The following ACCSL variants were observed in gnomAD, a reference collection of about 807,000 sequenced individuals.
ACCSL encodes the protein probable inactive 1-aminocyclopropane-1-carboxylate synthase-like protein 2.
A neutral mutation model predicts 61.7 loss-of-function variants in ACCSL; 55 were observed. The ratio of observed to expected loss-of-function variants is 0.89; its 90% CI spans 0.72 to 1.12. The LOEUF (loss-of-function observed/expected upper bound fraction) is 1.12, where lower values mean the gene tolerates loss of function less well. Ranked by LOEUF, ACCSL falls within the 50% of genes most tolerant of loss-of-function variation. The pLI is 0.00. For missense variants in ACCSL, 632 were observed against 698.0 expected, an observed-to-expected ratio of 0.91 and a Z score of 1.07; for synonymous variants, 258 against 264.3, an observed-to-expected ratio of 0.98 and a Z score of 0.23.
chr11:44,038,721 G>A, the ACCSL span, among the ~76,000 whole-genome samples: 1 of 152,156 alleles, frequency 6.6e-6, no homozygotes, highest in Non-Finnish European at 1.5e-5. Context: ...TGCAAATGAT[G>A]GCTACAGGGC....
chr11:44,047,849 A>C, upstream of ACCSL: 1 of 683,948 alleles, frequency 1.5e-6, no homozygotes, highest in East Asian at 2.8e-5. Flanking sequence ...AGAGTAGGTA[A>C]CTCTTCATGA....
In ACCSL at chr11:44,056,180, T is replaced by A; in HGVS notation, c.1186-5T>A. On this transcript the variant is annotated splice_polypyrimidine_tract_variant and splice_region_variant and intron_variant, in intron 10 of 13. Coordinates refer to ENST00000378832, the MANE Select transcript of ACCSL (RefSeq NM_001031854.2). Reference sequence around the variant, plus strand: ...TTGTTCCTGTTCCTGCTTTTCTTCCTCTAGGATTTTGGCATCTCTGGCTTC... The same window carrying A: ...TTGTTCCTGTTCCTGCTTTTCTTCCACTAGGATTTTGGCATCTCTGGCTTC... The A allele has an allele frequency of 6.2e-7, 1 of 1,614,176 alleles. No homozygotes were observed. Among genetic ancestry groups the A allele is most frequent in the Non-Finnish European group, 8.5e-7 (1 of 1,180,028 alleles).
chr11:43,971,569 A>G, the ACCSL span: 1 of 152,188 alleles, frequency 6.6e-6, no homozygotes, highest in African/African-American at 2.4e-5. Flanking sequence ...ACTGTGCCAT[A>G]TTGCTTCCTA....
At chr11:43,987,628 C>G in the ACCSL span, among the ~76,000 whole-genome samples, 4 of 152,064 alleles carry the variant, frequency 2.6e-5, no homozygotes, top group Non-Finnish European at 4.4e-5. Flanking sequence ...GCACCTCCCC[C>G]ACTCCCTGGC....
the ACCSL span, among the ~76,000 whole-genome samples, chr11:43,963,872 T>C: frequency 6.6e-6 from 1 of 152,242 alleles, no homozygotes; most frequent in Non-Finnish European, 1.5e-5. Context: ...ATATATTACA[T>C]AACTCCTTGC....
At chr11:43,941,720 C>T in the ACCSL span, among the ~76,000 whole-genome samples, 1 of 152,216 alleles carries the variant, frequency 6.6e-6, no homozygotes, top group South Asian at 2.1e-4. Context: ...GGACCAGTTA[C>T]TTATCCCCTC....
chr11:43,942,972 T>A, the ACCSL span: 3 of 1,496,670 alleles, frequency 2.0e-6, no homozygotes, highest in Non-Finnish European at 2.7e-6. Flanking sequence ...CCGCACTTCG[T>A]GTGCCTGGCC....
the ACCSL span, among the ~76,000 whole-genome samples, chr11:43,939,312 G>A: frequency 1.3e-5 from 2 of 152,188 alleles, no homozygotes; most frequent in East Asian, 3.9e-4. Context: ...TATTGGCTAA[G>A]CCAATGCCAC....
chr11:43,940,761 T>C, the ACCSL span, among the ~76,000 whole-genome samples: 2 of 150,630 alleles, frequency 1.3e-5, no homozygotes, highest in African/African-American at 4.9e-5. Context: ...TCCTTGCTGT[T>C]TGTTCTTCGA....
the ACCSL span, among the ~76,000 whole-genome samples, chr11:44,029,474 C>T: frequency 2.0e-5 from 3 of 152,192 alleles, no homozygotes; most frequent in Non-Finnish European, 4.4e-5. Flanking sequence ...GCAACAGTGC[C>T]TGGTGCAGAG....
the ACCSL span, among the ~76,000 whole-genome samples, chr11:44,038,464 G>A: frequency 6.6e-6 from 1 of 152,222 alleles, no homozygotes; most frequent in African/African-American, 2.4e-5. Flanking sequence ...TAGACTTGAA[G>A]TATAAGCAGG....
chr11:43,989,375 C>T, the ACCSL span, among the ~76,000 whole-genome samples: 451 of 152,342 alleles, frequency 3.0e-3, 5 homozygotes, highest in African/African-American at 0.01. Flanking sequence ...TCCCCTCCCC[C>T]GCCTGCCTTC....
chr11:44,029,006 C>A, the ACCSL span, among the ~76,000 whole-genome samples: 1 of 152,246 alleles, frequency 6.6e-6, no homozygotes, highest in African/African-American at 2.4e-5. Flanking sequence ...CCACTTCTCA[C>A]TCCCGGGCAG....
the ACCSL span, among the ~76,000 whole-genome samples, chr11:43,994,624 ATGT>A: frequency 1.4e-3 from 144 of 105,296 alleles, 1 homozygote; most frequent in Middle Eastern, 4.9e-3. Context: ...GTTACTAAAT[ATGT>A]ATTATTATTA....
chr11:44,040,178 T>C, the ACCSL span, among the ~76,000 whole-genome samples: 4 of 152,180 alleles, frequency 2.6e-5, no homozygotes, highest in Non-Finnish European at 4.4e-5. Flanking sequence ...CCTCCTCAGA[T>C]ATGGGGAAAA....
At chr11:44,030,544 T>C in the ACCSL span, among the ~76,000 whole-genome samples, 3 of 147,364 alleles carry the variant, frequency 2.0e-5, no homozygotes, top group African/African-American at 4.8e-5. Context: ...CCTCCCCTCA[T>C]GGGGAAAGAA....
At chr11:43,940,089 T>C in the ACCSL span, among the ~76,000 whole-genome samples, 35 of 152,220 alleles carry the variant, frequency 2.3e-4, 1 homozygote, top group Non-Finnish European at 2.9e-5. Flanking sequence ...AGCTTCTTGC[T>C]TCTTTCCCAG....
At chr11:43,921,183 TCTTG>T in the ACCSL span, 1 of 152,370 alleles carries the variant, frequency 6.6e-6, no homozygotes, top group South Asian at 2.1e-4. Context: ...TACAGTGCCT[TCTTG>T]CTTTTTATCC....
the ACCSL span, among the ~76,000 whole-genome samples, chr11:43,985,528 C>G: frequency 6.6e-6 from 1 of 152,156 alleles, no homozygotes; most frequent in South Asian, 2.1e-4. Flanking sequence ...AAATAATTAT[C>G]ATGTCTTCTC....
Sources: gnomAD v4.1 joint callset for allele counts (sites outside exome capture counted in the v4.1 genomes callset) on GRCh38, gnomAD v4.1.1 for gene constraint, MANE v1.5 for transcripts, NCBI Gene and HGNC (gene_info 2026-07-23, HGNC 2026-07-21) for gene names.